The following KCNH8 variants were observed in gnomAD, a reference collection of about 807,000 sequenced individuals.
The protein encoded by KCNH8 is potassium voltage-gated channel subfamily H member 8, also known as voltage-gated delayed rectifier potassium channel KCNH8.
A neutral mutation model predicts 103.6 loss-of-function variants in KCNH8; 70 were observed. That is an observed-to-expected ratio of 0.68 (90% confidence interval 0.56 to 0.82). The LOEUF is 0.82. Among genes scored for constraint, KCNH8 ranks in the 40% least tolerant of loss-of-function variants. The pLI, the probability that KCNH8 is intolerant of heterozygous loss-of-function variation, is 0.00. For missense variants in KCNH8, 1,217 were observed against 1,329.9 expected (o/e 0.92, Z 1.32); for synonymous variants, 498 against 489.4 (o/e 1.02, Z -0.23).
chr3:19,314,167 T>G (rs960572173), intron 3 of KCNH8, among the ~76,000 whole-genome samples: 1 of 152,022 alleles, frequency 6.6e-6, no homozygotes, highest in Non-Finnish European at 1.5e-5. Context: ...TTATTTATAT[T>G]TTCTTTTTTG....
At position 19,198,572 on chromosome 3, in the gene KCNH8, C is replaced by A. The variant is rs76078734; in HGVS notation, c.76+49777C>A. On this transcript the variant is annotated intron_variant, in intron 1 of 15. Transcript: ENST00000328405. ...ATAAGTCATCAATAACTTTTTCAGA[C>A]TATTGTGATTCTGTTTTGCCTCATT... is the stretch of plus-strand genomic sequence containing the variant. 5.0e-3 allele frequency among the ~76,000 whole-genome samples: 757 copies of A among 152,116 alleles called. 5 individuals carry two copies. Among genetic ancestry groups the A allele is most frequent in the African/African-American group, 0.016 (671 of 41,508 alleles).
intron 1 of KCNH8, among the ~76,000 whole-genome samples, chr3:19,175,943 A>C (rs1238645687): frequency 6.6e-6 from 1 of 152,184 alleles, no homozygotes; most frequent in Non-Finnish European, 1.5e-5. Flanking sequence ...CATTTTCCTC[A>C]ATTAATAAAT....
chr3:19,277,893 G>A (rs1297247613), intron 2 of KCNH8, among the ~76,000 whole-genome samples: 1 of 152,060 alleles, frequency 6.6e-6, no homozygotes, highest in East Asian at 1.9e-4. Flanking sequence ...GCTATATAAA[G>A]AAGGAGTTAA....
chr3:19,401,253 A>C (rs570076359), intron 7 of KCNH8, among the ~76,000 whole-genome samples: 1 of 152,104 alleles, frequency 6.6e-6, no homozygotes, highest in Admixed American at 6.6e-5. Context: ...CAAGGTTTTT[A>C]AAATGTCTTG....
intron 15 of KCNH8, among the ~76,000 whole-genome samples, chr3:19,530,742 A>T (rs2069146211): frequency 6.6e-6 from 1 of 152,214 alleles, no homozygotes; most frequent in African/African-American, 2.4e-5. Context: ...TTCTGACTAC[A>T]TTAGGAAAAA....
chr3:19,470,220 G>C lies in KCNH8; in HGVS notation c.2040+13238G>C, dbSNP rs2067826993. Among the ~76,000 whole-genome samples the C allele has an allele frequency of 4.6e-5, 7 of 152,234 alleles. 1 individual carries two copies. The South Asian group carries it at 1.5e-3, about 32-fold the overall frequency. On this transcript the variant is annotated intron_variant, in intron 11 of 15. Transcript: ENST00000328405. ...CAAATATAGCATTAAAAGAAGGGGA[G>C]ATTTAATGTAAGAATTCCAAGTATC...
intron 15 of KCNH8, 97 bp downstream of exon 15, chr3:19,518,171 C>A: frequency 1.1e-6 from 1 of 915,582 alleles, no homozygotes; most frequent in Non-Finnish European, 1.7e-6. Flanking sequence ...TACAAGCATG[C>A]ATTCCAGAAT....
At chr3:19,481,787 T>A (rs574765437) in intron 11 of KCNH8, among the ~76,000 whole-genome samples, 1 of 152,292 alleles carries the variant, frequency 6.6e-6, no homozygotes, top group South Asian at 2.1e-4. Context: ...TTCTTTCAGC[T>A]CAAGTAACAG....
intron 7 of KCNH8, among the ~76,000 whole-genome samples, chr3:19,402,996 C>A (rs979207085): frequency 6.6e-6 from 1 of 151,782 alleles, no homozygotes; most frequent in African/African-American, 2.4e-5. Flanking sequence ...ATAGTCTATT[C>A]TTTTGGATAT....
intron 1 of KCNH8, among the ~76,000 whole-genome samples, chr3:19,189,794 G>A (rs1384482960): frequency 1.3e-5 from 2 of 151,968 alleles, no homozygotes; most frequent in African/African-American, 2.4e-5. Flanking sequence ...TAAAGAATGT[G>A]TGCAAACTGA....
intron 1 of KCNH8, among the ~76,000 whole-genome samples, chr3:19,164,573 T>G (rs1185780396): frequency 6.6e-6 from 1 of 152,164 alleles, no homozygotes; most frequent in Admixed American, 6.5e-5. Flanking sequence ...ATACACATGG[T>G]TTTGACAATA....
intron 1 of KCNH8, among the ~76,000 whole-genome samples, chr3:19,194,252 T>C (rs2063579807): frequency 6.6e-6 from 1 of 151,908 alleles, no homozygotes; most frequent in Admixed American, 6.6e-5. Context: ...GCTGTATTTT[T>C]ATTGGCTCTT....
intron 3 of KCNH8, among the ~76,000 whole-genome samples, chr3:19,299,589 CT>C (rs2065039249): frequency 6.6e-6 from 1 of 151,948 alleles, no homozygotes; most frequent in South Asian, 2.1e-4. Flanking sequence ...CAACAAACCC[CT>C]ATGACACAGT....
chr3:19,509,898 G>A (rs1309458847), intron 11 of KCNH8, among the ~76,000 whole-genome samples: 1 of 151,710 alleles, frequency 6.6e-6, no homozygotes, highest in Admixed American at 6.6e-5. Flanking sequence ...GATTAAATAA[G>A]AAATGATTTC....
chr3:19,500,160 T>G lies in KCNH8; in HGVS notation c.2041-10203T>G, dbSNP rs577658212. Among the ~76,000 whole-genome samples the G allele has an allele frequency of 7.9e-5, 12 of 152,188 alleles. No individual in the cohort carries two copies. In the East Asian group the frequency reaches 1.9e-3, roughly 25 times the overall value. On this transcript the variant is annotated intron_variant, in intron 11 of 15. Transcript: ENST00000328405. ...AATCCTAGTCTCTGATAAAACAGAC[T>G]TTAAACCAACAAAGATCAAAAGAGA...
chr3:19,436,868 A>G (rs952510451), intron 7 of KCNH8, among the ~76,000 whole-genome samples: 39 of 152,306 alleles, frequency 2.6e-4, no homozygotes, highest in African/African-American at 8.7e-4. Flanking sequence ...AAACAACCAA[A>G]TAAATTCTTG....
In KCNH8 at chr3:19,318,662, T is replaced by TGTAC. The variant is rs1491117852; in HGVS notation, c.443-23925_443-23924insGTAC. ...GTAAGTGTGTGTGTGTGTGTGTGTGTACACACACACACACACACACACACA... is the reference window on the plus strand; with the variant it reads ...GTAAGTGTGTGTGTGTGTGTGTGTGTGTACACACACACACACACACACACACACA... On this transcript the variant is annotated intron_variant, in intron 3 of 15. Transcript: ENST00000328405. 1.3e-4 allele frequency among the ~76,000 whole-genome samples: 19 copies of TGTAC among 142,562 alleles called. No homozygotes were observed. In the South Asian group the frequency reaches 1.8e-3, roughly 13 times the overall value. 93.5% of individuals were successfully genotyped at this position (142,562 alleles called of 152,430 possible). A position where few individuals can be genotyped will look rare whatever the true frequency, so the allele number is the denominator to read the frequency against.
At chr3:19,169,322 G>T (rs1321041284) in intron 1 of KCNH8, among the ~76,000 whole-genome samples, 3 of 147,816 alleles carry the variant, frequency 2.0e-5, no homozygotes, top group African/African-American at 7.5e-5. Flanking sequence ...GCAGTGGCGC[G>T]ATCTTGGCTC....
rs892883858 is a variant in KCNH8 at position 19,234,344 on chromosome 3, C to G, written c.77-19310C>G. On this transcript the variant is annotated intron_variant, in intron 1 of 15. Coordinates refer to ENST00000328405, the MANE Select transcript of KCNH8 (RefSeq NM_144633.3). ...GCGCCGTTGAGCAGGGGGCGCCGCT[C>G]GTGGGGAGGCTCCGGCCGCACAGGA... Among the ~76,000 whole-genome samples the G allele has an allele frequency of 9.2e-5, 14 of 152,284 alleles. No individual in the cohort carries two copies. The South Asian group carries it at 1.5e-3, about 16-fold the overall frequency.
Sources: allele counts gnomAD v4.1 joint callset (sites outside exome capture counted in the v4.1 genomes callset), GRCh38; gene constraint gnomAD v4.1.1; transcripts MANE v1.5; gene names NCBI Gene and HGNC (gene_info 2026-07-23, HGNC 2026-07-21).